Variants in ZEB1 observed in about 807,000 individuals in gnomAD.
ZEB1 encodes the protein zinc finger E-box binding homeobox 1, also known as zinc finger E-box-binding homeobox 1.
ZEB1 carries 21 observed loss-of-function variants against 84.9 expected under a neutral mutation model. The ratio of observed to expected loss-of-function variants is 0.25; its 90% confidence interval spans 0.18 to 0.36. The LOEUF (loss-of-function observed/expected upper bound fraction) is 0.36, where lower values mean the gene tolerates loss of function less well. ZEB1 is among the 10% of genes least tolerant of loss of function. The probability of loss-of-function intolerance (pLI) is 1.00; values close to 1 mark genes in which losing one functional copy is unlikely to be tolerated. For missense variants in ZEB1, 1,104 were observed against 1,330.2 expected, an observed-to-expected ratio of 0.83 and a Z score of 2.65; for synonymous variants, 420 against 471.1, an observed-to-expected ratio of 0.89 and a Z score of 1.41.
intron 1 of ZEB1, among the ~76,000 whole-genome samples, chr10:31,417,679 T>G (rs1220600142): frequency 6.6e-6 from 1 of 152,180 alleles, no homozygotes; most frequent in Non-Finnish European, 1.5e-5. Context: ...TTGTTTATTT[T>G]AAGCTATTTT....
At chr10:31,477,480 T>G (rs766927551) in intron 2 of ZEB1, among the ~76,000 whole-genome samples, 21 of 151,956 alleles carry the variant, frequency 1.4e-4, no homozygotes, top group Non-Finnish European at 2.8e-4. Context: ...ATTACCAATG[T>G]CATTCTTCAC....
At chr10:31,361,248 A>C (rs2043015217) in intron 1 of ZEB1, 34 of 1,599,488 alleles carry the variant, frequency 2.1e-5, no homozygotes, top group Non-Finnish European at 2.6e-5. Context: ...GCTGGAGTGC[A>C]GTGGTGCGAT....
chr10:31,470,973 A>C (rs2063162936), intron 2 of ZEB1, among the ~76,000 whole-genome samples: 1 of 136,576 alleles, frequency 7.3e-6, no homozygotes, highest in African/African-American at 2.8e-5. Flanking sequence ...AAGCTTCATA[A>C]GTGAAGGAGA....
chr10:31,336,795 C>T (rs2038176417), intron 1 of ZEB1, among the ~76,000 whole-genome samples: 1 of 152,106 alleles, frequency 6.6e-6, no homozygotes, highest in South Asian at 2.1e-4. Flanking sequence ...TTCATGTCTC[C>T]TAGATTCTCA....
chr10:31,523,786 C>A, intron 7 of ZEB1, 147 bp from the exon 8 acceptor site: 1 of 860,646 alleles, frequency 1.2e-6, no homozygotes, highest in Admixed American at 2.3e-5. Context: ...GGCACATGTG[C>A]AGTGAAGATC....
At chr10:31,387,803 G>A in intron 1 of ZEB1, 1 of 977,680 alleles carries the variant, frequency 1.0e-6, no homozygotes, top group East Asian at 1.1e-4. Context: ...TAAAAGGTAT[G>A]TAATCATAAA....
intron 4 of ZEB1, among the ~76,000 whole-genome samples, chr10:31,509,707 A>G (rs1201504291): frequency 6.6e-6 from 1 of 152,232 alleles, no homozygotes; most frequent in Non-Finnish European, 1.5e-5. Flanking sequence ...TTATGAAATT[A>G]TCTGTGGTGG....
At chr10:31,398,585 T>G (rs1435631776) in intron 1 of ZEB1, among the ~76,000 whole-genome samples, 1 of 152,180 alleles carries the variant, frequency 6.6e-6, no homozygotes, top group Non-Finnish European at 1.5e-5. Context: ...GTCTTTCATG[T>G]AAAGCCTATA....
At chr10:31,346,553 T>G (rs958420609) in intron 1 of ZEB1, among the ~76,000 whole-genome samples, 17 of 151,870 alleles carry the variant, frequency 1.1e-4, no homozygotes, top group African/African-American at 4.1e-4. Flanking sequence ...TTGAAACTTT[T>G]GCACGTAGAG....
chr10:31,428,692 T>C (rs1186422963), intron 1 of ZEB1, among the ~76,000 whole-genome samples: 1 of 152,228 alleles, frequency 6.6e-6, no homozygotes, highest in Admixed American at 6.5e-5. Flanking sequence ...AGAGTCTCAG[T>C]CTCTTTGAAG....
At chr10:31,420,905 T>G (rs2056047899) in intron 1 of ZEB1, among the ~76,000 whole-genome samples, 1 of 152,192 alleles carries the variant, frequency 6.6e-6, no homozygotes, top group African/African-American at 2.4e-5. Context: ...GATATCGAGA[T>G]TTCTCAAAAC....
At chr10:31,435,026 A>T (rs1294466341) in intron 1 of ZEB1, among the ~76,000 whole-genome samples, 1 of 152,228 alleles carries the variant, frequency 6.6e-6, no homozygotes, top group African/African-American at 2.4e-5. Context: ...TGAATATGTT[A>T]CATTACTTAA....
At chr10:31,435,868 A>G (rs2136349979) in intron 1 of ZEB1, among the ~76,000 whole-genome samples, 1 of 152,336 alleles carries the variant, frequency 6.6e-6, no homozygotes. Context: ...ACAAGGGACC[A>G]ATGACATGGT....
At chr10:31,472,278 T>G (rs1284936776) in intron 2 of ZEB1, among the ~76,000 whole-genome samples, 1 of 151,690 alleles carries the variant, frequency 6.6e-6, no homozygotes, top group Non-Finnish European at 1.5e-5. Flanking sequence ...CCAGAGCTGG[T>G]TTTTTGAAAG....
chr10:31,349,587 G>A (rs993664850), intron 1 of ZEB1, among the ~76,000 whole-genome samples: 1 of 152,006 alleles, frequency 6.6e-6, no homozygotes, highest in Non-Finnish European at 1.5e-5. Flanking sequence ...CACTTGTTCT[G>A]TTTCATCTTT....
At chr10:31,448,475 G>A (rs1406146161) in intron 1 of ZEB1, among the ~76,000 whole-genome samples, 2 of 148,644 alleles carry the variant, frequency 1.3e-5, no homozygotes, top group African/African-American at 5.1e-5. Flanking sequence ...TTCCTTTGGA[G>A]GAGGAGAGGC....
At chr10:31,497,969 A>ATAGATAGC (rs1554910970) in intron 3 of ZEB1, among the ~76,000 whole-genome samples, 13 of 150,976 alleles carry the variant, frequency 8.6e-5, no homozygotes, top group African/African-American at 3.2e-4. Context: ...AGATAGATAG[A>ATAGATAGC]TAGATTTAAA....
intron 1 of ZEB1, among the ~76,000 whole-genome samples, chr10:31,422,068 T>A (rs192612823): frequency 6.6e-6 from 1 of 152,260 alleles, no homozygotes; most frequent in Non-Finnish European, 1.5e-5. Context: ...GGGGTTTTGT[T>A]ACTCTGGCCT....
At chr10:31,486,817 T>C (rs2065825859) in intron 2 of ZEB1, among the ~76,000 whole-genome samples, 1 of 151,554 alleles carries the variant, frequency 6.6e-6, no homozygotes, top group African/African-American at 2.4e-5. Flanking sequence ...TTATGGATCA[T>C]GATTTTCATC....
Sources: allele counts gnomAD v4.1 joint callset (sites outside exome capture counted in the v4.1 genomes callset), GRCh38; gene constraint gnomAD v4.1.1; transcripts MANE v1.5; gene names NCBI Gene and HGNC (gene_info 2026-07-23, HGNC 2026-07-21).